Variants in SEPSECS observed in about 807,000 individuals in gnomAD.
The protein encoded by SEPSECS is Sep (O-phosphoserine) tRNA:Sec (selenocysteine) tRNA synthase.
Under a neutral mutation model 52.1 loss-of-function variants are expected in SEPSECS, and 42 were observed. That is an observed-to-expected ratio of 0.81 (90% CI 0.63 to 1.04). SEPSECS has a LOEUF of 1.04. Ranked by LOEUF, SEPSECS falls within the 50% of genes least tolerant of loss-of-function variation. The pLI is 0.00. For missense variants in SEPSECS, 590 were observed against 610.6 expected (o/e 0.97, Z 0.36); for synonymous variants, 216 against 211.4 (o/e 1.02, Z -0.19).
At chr4:25,147,635 T>G (rs946143231) in intron 6 of SEPSECS, among the ~76,000 whole-genome samples, 4 of 152,192 alleles carry the variant, frequency 2.6e-5, no homozygotes, top group African/African-American at 9.6e-5. Context: ...AATTCGTCAT[T>G]TTAGTAAATA....
intron 8 of SEPSECS, among the ~76,000 whole-genome samples, chr4:25,131,625 G>C (rs573672216): frequency 1.3e-5 from 2 of 152,324 alleles, no homozygotes; most frequent in East Asian, 1.9e-4. Context: ...TGCTTCTGCA[G>C]AGATTCAACT....
chr4:25,129,350 T>A (rs1428353859), intron 8 of SEPSECS, among the ~76,000 whole-genome samples: 1 of 151,960 alleles, frequency 6.6e-6, no homozygotes, highest in Admixed American at 6.6e-5. Context: ...GGGCCAAGCA[T>A]GGTGGCTCAC....
At chr4:25,157,054 TA>T (rs1712709609) in intron 2 of SEPSECS, 80 bp from the exon 3 acceptor site, 1 of 840,514 alleles carries the variant, frequency 1.2e-6, no homozygotes, top group African/African-American at 1.7e-5. Flanking sequence ...GCAAATGTAA[TA>T]ACCAAAAAAA....
In SEPSECS at chr4:25,139,384, C is replaced by CTTTTT. The variant is rs5856888; in HGVS notation, c.1026+5385_1026+5389dup. On this transcript the variant is annotated intron_variant, in intron 8 of 10. Coordinates refer to ENST00000382103, the MANE Select transcript of SEPSECS (RefSeq NM_016955.4). The stretch of plus-strand genomic sequence containing the variant: ...CAAAACAACTTGAAGAAAGTTGTGT[C>CTTTTT]TTTTTTTTTTTTTTTTTTTTTGAGA... Among the ~76,000 whole-genome samples, 22 of 108,818 alleles carry CTTTTT rather than the reference C, an allele frequency of 2.0e-4. 1 individual carries two copies. The highest frequency in any genetic ancestry group is 2.4e-4 in the African/African-American group (7 of 28,906). 71.4% of individuals were successfully genotyped at this position (108,818 alleles called of 152,430 possible).
intron 1 of SEPSECS, chr4:25,159,867 C>G: frequency 9.2e-7 from 1 of 1,090,900 alleles, no homozygotes; most frequent in Non-Finnish European, 1.1e-6. Flanking sequence ...GCTCGTGGTT[C>G]GAGTTAGCAT....
chr4:25,133,383 C>CTAA (rs1728689977), intron 8 of SEPSECS, among the ~76,000 whole-genome samples: 1 of 152,102 alleles, frequency 6.6e-6, no homozygotes, highest in Non-Finnish European at 1.5e-5. Flanking sequence ...AAGTGTTTAC[C>CTAA]CAGTGATAAT....
intron 8 of SEPSECS, among the ~76,000 whole-genome samples, chr4:25,140,041 G>A (rs775577604): frequency 2.0e-5 from 3 of 152,086 alleles, no homozygotes; most frequent in South Asian, 2.1e-4. Flanking sequence ...CTAGAAATAC[G>A]GCAGCTGACA....
At chr4:25,140,509 C>A (rs912638172) in intron 8 of SEPSECS, among the ~76,000 whole-genome samples, 1 of 152,102 alleles carries the variant, frequency 6.6e-6, no homozygotes, top group East Asian at 1.9e-4. Context: ...GGTCCATATT[C>A]CACAATTCAC....
intron 8 of SEPSECS, among the ~76,000 whole-genome samples, chr4:25,137,804 T>C (rs1220948037): frequency 6.6e-6 from 1 of 152,082 alleles, no homozygotes; most frequent in African/African-American, 2.4e-5. Context: ...AGCAAAGACA[T>C]GGAATCAACC....
chr4:25,151,107 T>G (rs1364851117), intron 6 of SEPSECS, among the ~76,000 whole-genome samples: 2 of 152,226 alleles, frequency 1.3e-5, no homozygotes, highest in Non-Finnish European at 2.9e-5. Flanking sequence ...CTATATAGCC[T>G]GTATCATACA....
intron 8 of SEPSECS, among the ~76,000 whole-genome samples, chr4:25,141,515 C>T (rs942929862): frequency 2.0e-5 from 3 of 152,184 alleles, no homozygotes; most frequent in Non-Finnish European, 4.4e-5. Context: ...TTCCATCCTT[C>T]CAATTGCTCA....
chr4:25,124,504 G>A (rs1293538089), intron 10 of SEPSECS, among the ~76,000 whole-genome samples: 1 of 151,868 alleles, frequency 6.6e-6, no homozygotes. Flanking sequence ...TTTTATTTTT[G>A]CCAGTATCTT....
intron 8 of SEPSECS, among the ~76,000 whole-genome samples, chr4:25,137,823 C>T (rs746404488): frequency 1.3e-5 from 2 of 152,164 alleles, no homozygotes; most frequent in Non-Finnish European, 2.9e-5. Context: ...CCCAAACACT[C>T]ATCAATGATA....
At position 25,123,865 on chromosome 4, in the gene SEPSECS, A is replaced by T; in HGVS notation, c.*66T>A. On this transcript the variant is annotated 3_prime_UTR_variant, in exon 11 of 11. Coordinates refer to ENST00000382103, the MANE Select transcript of SEPSECS (RefSeq NM_016955.4). Reference sequence around the variant, plus strand: ...TTCAAAAATCTCAAGTCTTATCTTTAAACTGCTTGCTTGTACTACAGCCTT... The same window carrying T: ...TTCAAAAATCTCAAGTCTTATCTTTTAACTGCTTGCTTGTACTACAGCCTT... 1 of 1,383,248 alleles carries T rather than the reference A, an allele frequency of 7.2e-7. No individual in the cohort carries two copies. Among genetic ancestry groups the T allele is most frequent in the Non-Finnish European group, 1.0e-6 (1 of 973,392 alleles). The allele number at this position is 1,383,248 out of a possible 1,614,324, so 85.7% of individuals were successfully genotyped here. A position where few individuals can be genotyped will look rare whatever the true frequency, so the allele number is the denominator to read the frequency against.
chr4:25,152,979 C>T (rs1560334270), intron 5 of SEPSECS, among the ~76,000 whole-genome samples: 1 of 151,948 alleles, frequency 6.6e-6, no homozygotes, highest in Non-Finnish European at 1.5e-5. Context: ...ACGCATAATA[C>T]ATGTCCTATT....
chr4:25,150,200 T>C (rs1712215457), intron 6 of SEPSECS, among the ~76,000 whole-genome samples: 1 of 152,198 alleles, frequency 6.6e-6, no homozygotes, highest in South Asian at 2.1e-4. Flanking sequence ...GCATTTACCA[T>C]ATTGGAGCAA....
At chr4:25,147,268 G>C (rs1180735942) in intron 6 of SEPSECS, among the ~76,000 whole-genome samples, 1 of 152,122 alleles carries the variant, frequency 6.6e-6, no homozygotes, top group Non-Finnish European at 1.5e-5. Context: ...ATTTATCCAA[G>C]ACTTGTCATA....
Position 25,122,539 on chromosome 4 carries a change from T to C in SEPSECS, c.*1392A>G, listed in dbSNP as rs181160877. ...AAGGATATATTAAAACTGGGTTATT[T>C]AGTGAAGGAATTCTTAGAGCCTTCA... On this transcript the variant is annotated 3_prime_UTR_variant, in exon 11 of 11. Transcript: ENST00000382103. 1.1e-3 allele frequency: 160 copies of C among 152,312 alleles called. 1 individual carries two copies. Among genetic ancestry groups the C allele is most frequent in the African/African-American group, 3.7e-3 (152 of 41,576 alleles). The allele number at this position is 152,312 out of a possible 1,614,324, so 9.4% of individuals were successfully genotyped here. A position where few individuals can be genotyped will look rare whatever the true frequency, so the allele number is the denominator to read the frequency against.
At chr4:25,134,594 C>T (rs1728756998) in intron 8 of SEPSECS, among the ~76,000 whole-genome samples, 1 of 152,072 alleles carries the variant, frequency 6.6e-6, no homozygotes, top group Non-Finnish European at 1.5e-5. Context: ...AGTTTCATTT[C>T]AGACACATAA....
Sources: allele counts gnomAD v4.1 joint callset (sites outside exome capture counted in the v4.1 genomes callset), GRCh38; gene constraint gnomAD v4.1.1; transcripts MANE v1.5; gene names NCBI Gene and HGNC (gene_info 2026-07-23, HGNC 2026-07-21).